Variants in RALYL observed in about 807,000 individuals in gnomAD.
RALYL encodes RALY RNA binding protein like, also known as RNA-binding Raly-like protein.
A neutral mutation model predicts 35.1 loss-of-function variants in RALYL; 29 were observed. That is an observed-to-expected ratio of 0.83 (90% CI 0.61 to 1.13). RALYL has a LOEUF of 1.13. Ranked by LOEUF, RALYL falls within the 50% of genes most tolerant of loss-of-function variation. RALYL has a pLI of 0.00. For missense variants in RALYL, 359 were observed against 360.4 expected, an observed-to-expected ratio of 1.00 and a Z score of 0.03; for synonymous variants, 120 against 127.6, an observed-to-expected ratio of 0.94 and a Z score of 0.40.
At chr8:84,780,154 C>T (rs16913296) in intron 3 of RALYL, among the ~76,000 whole-genome samples, 2,908 of 152,188 alleles carry the variant, frequency 0.019, 89 homozygotes, top group African/African-American at 0.064. Context: ...CCTTCCATTT[C>T]ACCTACCCAG....
chr8:84,599,887 G>T (rs910237640), intron 2 of RALYL, among the ~76,000 whole-genome samples: 17 of 149,646 alleles, frequency 1.1e-4, no homozygotes, highest in Non-Finnish European at 2.4e-4. Context: ...AGGGATGTGA[G>T]AAACTTGTTC....
intron 6 of RALYL, among the ~76,000 whole-genome samples, chr8:84,871,004 C>G (rs770853328): frequency 6.6e-6 from 1 of 152,184 alleles, no homozygotes; most frequent in Non-Finnish European, 1.5e-5. Flanking sequence ...GCTGCCCCCC[C>G]ATTCTAAGAG....
At chr8:84,501,760 T>A (rs2056682714) in intron 1 of RALYL, among the ~76,000 whole-genome samples, 1 of 151,210 alleles carries the variant, frequency 6.6e-6, no homozygotes, top group Non-Finnish European at 1.5e-5. Context: ...AATGGCAATT[T>A]TTAAAAACTC....
intron 2 of RALYL, among the ~76,000 whole-genome samples, chr8:84,548,909 G>A (rs772804364): frequency 6.6e-6 from 1 of 152,112 alleles, no homozygotes; most frequent in Non-Finnish European, 1.5e-5. Flanking sequence ...TTAATTGAGA[G>A]TTTAAAAAGT....
chr8:84,226,354 G>A (rs755897880), intron 1 of RALYL, among the ~76,000 whole-genome samples: 16 of 152,244 alleles, frequency 1.1e-4, no homozygotes, highest in Middle Eastern at 3.4e-3. Flanking sequence ...GTTGGAGATC[G>A]CTGGTGTAGA....
chr8:84,349,454 A>G (rs1046153888), intron 1 of RALYL, among the ~76,000 whole-genome samples: 1 of 150,240 alleles, frequency 6.7e-6, no homozygotes, highest in Non-Finnish European at 1.5e-5. Context: ...TCAGTCTTTG[A>G]CTAAATTTTG....
chr8:84,623,482 C>CT (rs1333210358), intron 2 of RALYL, among the ~76,000 whole-genome samples: 3 of 151,844 alleles, frequency 2.0e-5, no homozygotes, highest in Non-Finnish European at 4.4e-5. Context: ...TCCTACTGTC[C>CT]TGTAAGTTAC....
At chr8:84,371,003 G>A (rs976192520) in intron 1 of RALYL, among the ~76,000 whole-genome samples, 2 of 151,924 alleles carry the variant, frequency 1.3e-5, no homozygotes, top group African/African-American at 4.8e-5. Context: ...TGGTAGTGCT[G>A]AAATTAAAGA....
chr8:84,860,801 C>G (rs1261612108), intron 5 of RALYL, among the ~76,000 whole-genome samples: 1 of 152,130 alleles, frequency 6.6e-6, no homozygotes, highest in Non-Finnish European at 1.5e-5. Context: ...TGTTCTAAAT[C>G]ATTTTCGAAT....
chr8:84,742,447 C>A (rs894612561), intron 2 of RALYL, among the ~76,000 whole-genome samples: 1 of 151,486 alleles, frequency 6.6e-6, no homozygotes, highest in South Asian at 2.1e-4. Context: ...TTAGTTGGAC[C>A]AAAAAAATTG....
chr8:84,581,731 A>C (rs1810885486), intron 2 of RALYL, among the ~76,000 whole-genome samples: 2 of 151,460 alleles, frequency 1.3e-5, no homozygotes, highest in Non-Finnish European at 2.9e-5. Context: ...TATTAATAGT[A>C]TATCCTATAA....
At chr8:84,586,481 A>T (rs1812043233) in intron 2 of RALYL, among the ~76,000 whole-genome samples, 1 of 152,228 alleles carries the variant, frequency 6.6e-6, no homozygotes, top group African/African-American at 2.4e-5. Context: ...AAGTCTTAAG[A>T]ATCCAATAAA....
At chr8:84,639,768 A>C (rs533209856) in intron 2 of RALYL, among the ~76,000 whole-genome samples, 2 of 151,966 alleles carry the variant, frequency 1.3e-5, no homozygotes, top group Non-Finnish European at 1.5e-5. Context: ...AGTCAAAAGA[A>C]TTAAAGCCAA....
At chr8:84,193,883 G>A (rs1172632626) in intron 1 of RALYL, among the ~76,000 whole-genome samples, 2 of 152,100 alleles carry the variant, frequency 1.3e-5, no homozygotes, top group African/African-American at 4.8e-5. Context: ...GCTTTCCAGA[G>A]GTAGTGGATA....
At chr8:84,213,188 C>T (rs949323293) in intron 1 of RALYL, among the ~76,000 whole-genome samples, 48 of 151,902 alleles carry the variant, frequency 3.2e-4, no homozygotes, top group African/African-American at 1.1e-3. Flanking sequence ...GTCAGGAGTT[C>T]GAGACCAGCC....
At chr8:84,778,078 C>T (rs1287532799) in intron 3 of RALYL, among the ~76,000 whole-genome samples, 1 of 152,184 alleles carries the variant, frequency 6.6e-6, no homozygotes, top group Non-Finnish European at 1.5e-5. Flanking sequence ...TTCTAGGAAA[C>T]TAGCATAGAA....
chr8:84,187,560 T>C (rs2130824568), intron 1 of RALYL, among the ~76,000 whole-genome samples: 1 of 152,214 alleles, frequency 6.6e-6, no homozygotes, highest in South Asian at 2.1e-4. Flanking sequence ...CCATAATAGA[T>C]GTGTTACCTT....
At chr8:84,660,029 C>T (rs911872087) in intron 2 of RALYL, among the ~76,000 whole-genome samples, 4 of 152,040 alleles carry the variant, frequency 2.6e-5, no homozygotes, top group Non-Finnish European at 4.4e-5. Flanking sequence ...TAGAATAACA[C>T]TTTGAAGAAT....
chr8:84,431,327 C>T (rs1421602903), intron 1 of RALYL, among the ~76,000 whole-genome samples: 6 of 152,124 alleles, frequency 3.9e-5, no homozygotes, highest in Non-Finnish European at 5.9e-5. Flanking sequence ...ACTATACTAT[C>T]CTGACTCCCA....
Sources: gnomAD v4.1 joint callset for allele counts (sites outside exome capture counted in the v4.1 genomes callset) on GRCh38, gnomAD v4.1.1 for gene constraint, MANE v1.5 for transcripts, NCBI Gene and HGNC (gene_info 2026-07-23, HGNC 2026-07-21) for gene names.